TMEM106A: variants seen among roughly 807,000 people sequenced by gnomAD.
TMEM106A encodes transmembrane protein 106A.
In TMEM106A, 22 loss-of-function variants were observed where a neutral mutation model predicts 25.1. The observed-to-expected ratio is 0.88, with a 90% confidence interval of 0.63 to 1.25. The LOEUF (loss-of-function observed/expected upper bound fraction) is 1.25, where lower values mean the gene tolerates loss of function less well. Among genes scored for constraint, TMEM106A ranks in the 50% most tolerant of loss-of-function variants. The pLI is 0.00. For synonymous variants in TMEM106A, 104 were observed against 129.9 expected (o/e 0.80, Z 1.35); for missense variants, 275 against 318.1 (o/e 0.86, Z 1.03).
intron 5 of TMEM106A, 189 bp downstream of exon 5, chr17:43,216,130 G>C: frequency 1.3e-6 from 1 of 756,970 alleles, no homozygotes; most frequent in Non-Finnish European, 2.1e-6. Flanking sequence ...ACTCTACACA[G>C]TAAGGGGTCA....
At chr17:43,217,230 G>A (rs371558701) in intron 7 of TMEM106A, 29 bp from the exon 8 acceptor site, 4 of 1,613,552 alleles carry the variant, frequency 2.5e-6, no homozygotes, top group Non-Finnish European at 3.4e-6. Context: ...GTGACACGTG[G>A]TCCCACGTTC....
At chr17:43,213,308 G>A in intron 3 of TMEM106A, 56 bp downstream of exon 3, 1 of 1,592,404 alleles carries the variant, frequency 6.3e-7, no homozygotes, top group South Asian at 1.1e-5. Flanking sequence ...TTCTTAGCCT[G>A]TTGGCCTGGG....
chr17:43,217,122 G>A (rs557148075), intron 7 of TMEM106A, 137 bp from the exon 8 acceptor site: 7 of 858,744 alleles, frequency 8.2e-6, no homozygotes, highest in South Asian at 5.8e-5. Context: ...GGAAGGGGTG[G>A]GAGTGACATT....
rs1406302390 is a variant in TMEM106A, at chr17:43,218,060, T to G, written c.*259T>G. Reference sequence around the variant, plus strand: ...TGCCCTTGGTTAGTTTTTTGTTTTTTTTTTGGTAGAGACAGAGTCTCACTG... The same window carrying G: ...TGCCCTTGGTTAGTTTTTTGTTTTTGTTTTGGTAGAGACAGAGTCTCACTG... On this transcript the variant is annotated 3_prime_UTR_variant, in exon 9 of 9. Coordinates refer to ENST00000612339, the MANE Select transcript of TMEM106A (RefSeq NM_145041.4). 1 of 445,448 alleles carries G rather than the reference T, an allele frequency of 2.2e-6. No individual in the cohort carries two copies. The highest frequency in any genetic ancestry group is 4.0e-6 in the Non-Finnish European group (1 of 249,590). 27.6% of individuals were successfully genotyped at this position (445,448 alleles called of 1,614,324 possible).
rs915027148 is a variant in TMEM106A, at chr17:43,213,371, C to A, written c.211+119C>A. On this transcript the variant is annotated intron_variant, in intron 3 of 8. Transcript: ENST00000612339. ...GGTTAGATCTGCTCCCAGCTCTTGA[C>A]CTCCCAGTCTCAGGCTGGCCAGGGA... 4 of 1,066,400 alleles carry A rather than the reference C, an allele frequency of 3.8e-6. No homozygotes were observed. In the African/African-American group the frequency reaches 6.3e-5, roughly 17 times the overall value. 66.1% of individuals were successfully genotyped at this position (1,066,400 alleles called of 1,614,324 possible). A position where few individuals can be genotyped will look rare whatever the true frequency, so the allele number is the denominator to read the frequency against.
chr17:43,215,846 T>G lies in TMEM106A; in HGVS notation c.334T>G (p.Phe112Val). The change falls in exon 5 of 9, where the codon TTT (phenylalanine) becomes GTT (valine). Residue 112 changes from phenylalanine (F) to valine (V), a missense_variant. By Grantham distance (50) the Phe-to-Val change is conservative. Coordinates refer to ENST00000612339, the MANE Select transcript of TMEM106A (RefSeq NM_145041.4). Reference protein sequence around the residue: ...ICLVTSSFIVFFLFPRSVIVQ... With the variant: ...ICLVTSSFIVVFLFPRSVIVQ... ...CCTGGTGACCTCCTCCTTCATCGTCTTTTTCCTGTTTCCCCGGTCCGTCAT... is the reference window on the plus strand; with the variant it reads ...CCTGGTGACCTCCTCCTTCATCGTCGTTTTCCTGTTTCCCCGGTCCGTCAT... 2 of 1,613,982 alleles carry G rather than the reference T, an allele frequency of 1.2e-6. No individual in the cohort carries two copies. Among genetic ancestry groups the G allele is most frequent in the East Asian group, 2.2e-5 (1 of 44,878 alleles).
chr17:43,215,678 T>C (rs2057478084), intron 4 of TMEM106A, 110 bp from the exon 5 acceptor site: 3 of 1,157,102 alleles, frequency 2.6e-6, no homozygotes, highest in Middle Eastern at 3.0e-4. Flanking sequence ...GTTGGGGTAG[T>C]GTGCAGGGGA....
chr17:43,215,417 C>A (rs1225059037), intron 4 of TMEM106A, among the ~76,000 whole-genome samples: 1 of 152,164 alleles, frequency 6.6e-6, no homozygotes, highest in Non-Finnish European at 1.5e-5. Flanking sequence ...AACTAGCATT[C>A]ATTGTGCTTT....
At chr17:43,214,322 G>T (rs1325210278) in intron 4 of TMEM106A, among the ~76,000 whole-genome samples, 1 of 152,092 alleles carries the variant, frequency 6.6e-6, no homozygotes, top group East Asian at 1.9e-4. Context: ...AGAAAGCATG[G>T]CCCCCTCTCC....
intron 7 of TMEM106A, 33 bp from the exon 8 acceptor site, chr17:43,217,226 C>A: frequency 6.2e-7 from 1 of 1,612,206 alleles, no homozygotes; most frequent in Non-Finnish European, 8.5e-7. Flanking sequence ...CCATGTGACA[C>A]GTGGTCCCAC....
At chr17:43,213,387 T>C in intron 3 of TMEM106A, 135 bp downstream of exon 3, 1 of 921,350 alleles carries the variant, frequency 1.1e-6, no homozygotes. Context: ...AGTCTCAGGC[T>C]GGCCAGGGAG....
chr17:43,216,469 T>A lies in TMEM106A; in HGVS notation c.450T>A (p.Asn150Lys). The change falls in exon 6 of 9, where the codon AAT (asparagine) becomes AAA (lysine). Residue 150 changes from asparagine to lysine, a missense_variant. Transcript: ENST00000612339. ...CCCAGAATATCTTAAACATCTCCAATGGCAACTACTACCCCATTATGGTGA... is the reference window on the plus strand; with the variant it reads ...CCCAGAATATCTTAAACATCTCCAAAGGCAACTACTACCCCATTATGGTGA... ...LNITNILNIS[N>K]GNYYPIMVTQ... 1 of 1,614,138 alleles carries A rather than the reference T, an allele frequency of 6.2e-7. No homozygotes were observed. Among genetic ancestry groups the A allele is most frequent in the East Asian group, 2.2e-5 (1 of 44,876 alleles).
rs113841257 is a variant in TMEM106A, at chr17:43,216,464, T to G, written c.445T>G (p.Ser149Ala). ...YLNITNILNI[S>A]NGNYYPIMVT... ...TCATCCCCAGAATATCTTAAACATC[T>G]CCAATGGCAACTACTACCCCATTAT... The change falls in exon 6 of 9, where the codon TCC (serine) becomes GCC (alanine). Residue 149 changes from serine (S) to alanine (A), a missense_variant. Coordinates refer to ENST00000612339, the MANE Select transcript of TMEM106A (RefSeq NM_145041.4). The G allele has an allele frequency of 8.1e-6, 13 of 1,614,094 alleles. No homozygotes were observed. In the East Asian group the frequency reaches 2.9e-4, roughly 36 times the overall value.
chr17:43,217,168 G>A, intron 7 of TMEM106A, 91 bp from the exon 8 acceptor site: 1 of 1,324,526 alleles, frequency 7.5e-7, no homozygotes, highest in Non-Finnish European at 1.1e-6. Flanking sequence ...AGTTCTGTGG[G>A]GTAAGGAAAC....
Position 43,215,861 on chromosome 17 carries a change from C to A in TMEM106A, c.349C>A (p.Arg117=). ...SSFIVFFLFP[R]SVIVQPAGLN... ...CTTCATCGTCTTTTTCCTGTTTCCCCGGTCCGTCATTGTGCAGCCTGCAGG... is the reference window on the plus strand; with the variant it reads ...CTTCATCGTCTTTTTCCTGTTTCCCAGGTCCGTCATTGTGCAGCCTGCAGG... Residue 117 remains arginine (R), a synonymous_variant, in exon 5 of 9, where the codon CGG becomes AGG. Coordinates refer to ENST00000612339, the MANE Select transcript of TMEM106A (RefSeq NM_145041.4). 1 of 1,614,064 alleles carries A rather than the reference C, an allele frequency of 6.2e-7. No individual in the cohort carries two copies. Among genetic ancestry groups the A allele is most frequent in the Non-Finnish European group, 8.5e-7 (1 of 1,180,024 alleles).
In TMEM106A at chr17:43,214,219, A is replaced by AAAAG. The variant is rs796717484; in HGVS notation, c.275+344_275+347dup. Reference sequence around the variant, plus strand: ...AAAAAAAAAAAAGAAAAAAAAAAAGAAAAGAAAGAAAGAAAGAAAAAAGCA... The same window carrying AAAAG: ...AAAAAAAAAAAAGAAAAAAAAAAAGAAAAGAAAGAAAGAAAGAAAGAAAAAAGCA... On this transcript the variant is annotated intron_variant, in intron 4 of 8. Coordinates refer to ENST00000612339, the MANE Select transcript of TMEM106A (RefSeq NM_145041.4). Among the ~76,000 whole-genome samples the AAAAG allele has an allele frequency of 9.3e-3, 684 of 73,290 alleles. 23 individuals are homozygous for AAAAG. Among genetic ancestry groups the AAAAG allele is most frequent in the Middle Eastern group, 0.037 (5 of 136 alleles). 48.1% of individuals were successfully genotyped at this position (73,290 alleles called of 152,430 possible).
intron 4 of TMEM106A, 174 bp downstream of exon 4, chr17:43,214,065 C>T: frequency 1.5e-6 from 1 of 649,250 alleles, no homozygotes; most frequent in Non-Finnish European, 2.6e-6. Flanking sequence ...TTTAGAAGCT[C>T]CTGGACCGGG....
Position 43,218,063 on chromosome 17 carries a change from T to G in TMEM106A, c.*262T>G. 1 of 436,968 alleles carries G rather than the reference T, an allele frequency of 2.3e-6. No homozygotes were observed. Among genetic ancestry groups the G allele is most frequent in the East Asian group, 4.8e-5 (1 of 20,968 alleles). 27.1% of individuals were successfully genotyped at this position (436,968 alleles called of 1,614,324 possible). ...CCTTGGTTAGTTTTTTGTTTTTTTT[T>G]TGGTAGAGACAGAGTCTCACTGTTG... On this transcript the variant is annotated 3_prime_UTR_variant, in exon 9 of 9. Transcript: ENST00000612339.
Position 43,217,996 on chromosome 17 carries a change from A to C in TMEM106A, c.*195A>C. 1 of 711,372 alleles carries C rather than the reference A, an allele frequency of 1.4e-6. No homozygotes were observed. Among genetic ancestry groups the C allele is most frequent in the Non-Finnish European group, 2.2e-6 (1 of 447,074 alleles). The allele number at this position is 711,372 out of a possible 1,614,324, so 44.1% of individuals were successfully genotyped here. On this transcript the variant is annotated 3_prime_UTR_variant, in exon 9 of 9. Coordinates refer to ENST00000612339, the MANE Select transcript of TMEM106A (RefSeq NM_145041.4). ...TCATACACACACACTCATATCCTCC[A>C]GTTTCCCCCAGATTCTTTCAGGGGC... is the stretch of plus-strand genomic sequence containing the variant.
Sources: gnomAD v4.1 joint callset for allele counts (sites outside exome capture counted in the v4.1 genomes callset) on GRCh38, gnomAD v4.1.1 for gene constraint, MANE v1.5 for transcripts, NCBI Gene and HGNC (gene_info 2026-07-23, HGNC 2026-07-21) for gene names.